TNFSF13B: variants seen among roughly 807,000 people sequenced by gnomAD.
The protein encoded by TNFSF13B is tumor necrosis factor ligand superfamily member 13B.
TNFSF13B carries 8 observed loss-of-function variants against 29.1 expected under a neutral mutation model. The observed-to-expected ratio is 0.27, with a 90% CI of 0.16 to 0.50. The LOEUF (loss-of-function observed/expected upper bound fraction) is 0.50, where lower values mean the gene tolerates loss of function less well. Ranked by LOEUF, TNFSF13B falls within the 20% of genes least tolerant of loss-of-function variation. The pLI, the probability that TNFSF13B is intolerant of heterozygous loss-of-function variation, is 0.98. For synonymous variants in TNFSF13B, 125 were observed against 130.8 expected, an observed-to-expected ratio of 0.96 and a Z score of 0.30; for missense variants, 248 against 334.9, an observed-to-expected ratio of 0.74 and a Z score of 2.03.
At chr13:108,297,965 C>T (rs568146551) in intron 3 of TNFSF13B, among the ~76,000 whole-genome samples, 2 of 146,384 alleles carry the variant, frequency 1.4e-5, no homozygotes, top group South Asian at 4.2e-4. Flanking sequence ...TTCACTCCAA[C>T]TACCTTTCCC....
intron 3 of TNFSF13B, among the ~76,000 whole-genome samples, chr13:108,287,460 A>T (rs918036589): frequency 6.6e-6 from 1 of 152,184 alleles, no homozygotes; most frequent in Non-Finnish European, 1.5e-5. Context: ...AATAAATAAT[A>T]ATTAAGACCA....
chr13:108,302,950 C>A, intron 3 of TNFSF13B: 1 of 727,548 alleles, frequency 1.4e-6, no homozygotes, highest in Non-Finnish European at 1.7e-6. Flanking sequence ...TTATCCAGAT[C>A]AGCCTTTATT....
chr13:108,280,776 C>G (rs1241901644), intron 2 of TNFSF13B, among the ~76,000 whole-genome samples: 2 of 151,238 alleles, frequency 1.3e-5, no homozygotes, highest in East Asian at 3.9e-4. Context: ...AATTTTACAT[C>G]TCCTATATTG....
At chr13:108,306,707 T>C (rs1339627971) in intron 5 of TNFSF13B, 119 bp from the exon 6 acceptor site, 1 of 599,122 alleles carries the variant, frequency 1.7e-6, no homozygotes, top group African/African-American at 2.0e-5. Context: ...TTGGTGTATT[T>C]TGAAGTGTGA....
At chr13:108,275,496 A>T (rs1307019721) in intron 2 of TNFSF13B, among the ~76,000 whole-genome samples, 2 of 152,088 alleles carry the variant, frequency 1.3e-5, no homozygotes, top group Admixed American at 6.6e-5. Context: ...TGTTTATTAT[A>T]ATTGTCTCAA....
intron 2 of TNFSF13B, among the ~76,000 whole-genome samples, chr13:108,279,860 T>C (rs531236723): frequency 6.6e-6 from 1 of 152,220 alleles, no homozygotes; most frequent in Admixed American, 6.5e-5. Flanking sequence ...CATGAGCTGT[T>C]AATTTTGTCC....
intron 2 of TNFSF13B, among the ~76,000 whole-genome samples, chr13:108,284,778 T>C (rs1485782699): frequency 6.6e-6 from 1 of 152,214 alleles, no homozygotes; most frequent in Admixed American, 6.5e-5. Flanking sequence ...CTCAGAAACC[T>C]GTCAGGGTGC....
chr13:108,293,432 TG>T (rs1394940392), intron 3 of TNFSF13B, among the ~76,000 whole-genome samples: 3 of 152,186 alleles, frequency 2.0e-5, no homozygotes, highest in African/African-American at 7.2e-5. Context: ...ACAAATGAAT[TG>T]TAAGGCTGGC....
At chr13:108,278,592 CTTCTCT>C (rs1880827857) in intron 2 of TNFSF13B, among the ~76,000 whole-genome samples, 1 of 126,994 alleles carries the variant, frequency 7.9e-6, no homozygotes, top group African/African-American at 3.0e-5. Flanking sequence ...TCCTCCTCCC[CTTCTCT>C]TCCTCCTCCT....
At chr13:108,278,233 G>T (rs748983277) in intron 2 of TNFSF13B, among the ~76,000 whole-genome samples, 2 of 152,054 alleles carry the variant, frequency 1.3e-5, no homozygotes, top group African/African-American at 4.8e-5. Flanking sequence ...AGGGTATTAC[G>T]ATTAATGCCA....
rs529012391 is a variant in TNFSF13B, at chr13:108,270,267, G to C, written c.339+33G>C. ...TGCAGCAGCTGCAAGACGCAGGCAAGATCCTGCCTACACTGCTGCCTCTCC... is the reference window on the plus strand; with the variant it reads ...TGCAGCAGCTGCAAGACGCAGGCAACATCCTGCCTACACTGCTGCCTCTCC... On this transcript the variant is annotated intron_variant, in intron 1 of 5. Transcript: ENST00000375887. The C allele has an allele frequency of 8.7e-6, 14 of 1,612,426 alleles. No individual in the cohort carries two copies. In the East Asian group the frequency reaches 2.7e-4, roughly 31 times the overall value.
intron 5 of TNFSF13B, among the ~76,000 whole-genome samples, chr13:108,305,555 C>G (rs746732607): frequency 1.3e-5 from 2 of 152,072 alleles, no homozygotes; most frequent in African/African-American, 4.8e-5. Context: ...AGGTCATTTC[C>G]AATCTCTATG....
At chr13:108,281,600 C>T (rs530426265) in intron 2 of TNFSF13B, among the ~76,000 whole-genome samples, 1 of 152,290 alleles carries the variant, frequency 6.6e-6, no homozygotes, top group African/African-American at 2.4e-5. Context: ...CAGACAGGAA[C>T]ATGATTTTCC....
intron 3 of TNFSF13B, among the ~76,000 whole-genome samples, chr13:108,298,846 C>G (rs371402996): frequency 6.9e-6 from 1 of 145,458 alleles, no homozygotes; most frequent in Non-Finnish European, 1.5e-5. Context: ...TGGCACTTGC[C>G]TGTAGTCGCA....
In TNFSF13B at chr13:108,290,990, C is replaced by T. The variant is rs533247274; in HGVS notation, c.481+4131C>T. On this transcript the variant is annotated intron_variant, in intron 3 of 5. Coordinates refer to ENST00000375887, the MANE Select transcript of TNFSF13B (RefSeq NM_006573.5). ...GAGGGCATCACAGTCTTTTTTTAAT[C>T]GCCCATCTTTTCCAGACTGCTTGAA... 5.3e-5 allele frequency among the ~76,000 whole-genome samples: 8 copies of T among 151,704 alleles called. No homozygotes were observed. In the East Asian group the frequency reaches 1.2e-3, roughly 22 times the overall value.
chr13:108,271,584 C>A (rs1370668949), intron 2 of TNFSF13B, among the ~76,000 whole-genome samples: 1 of 151,914 alleles, frequency 6.6e-6, no homozygotes, highest in Non-Finnish European at 1.5e-5. Context: ...TTTTTGGTAT[C>A]TGGTTATTGT....
chr13:108,271,267 C>G (rs1310455559), intron 2 of TNFSF13B, among the ~76,000 whole-genome samples: 1 of 151,878 alleles, frequency 6.6e-6, no homozygotes. Flanking sequence ...TTTTGAGCAC[C>G]TGGAACGTAT....
intron 2 of TNFSF13B, among the ~76,000 whole-genome samples, chr13:108,281,392 T>G (rs910145388): frequency 1.3e-5 from 2 of 152,228 alleles, no homozygotes; most frequent in Non-Finnish European, 2.9e-5. Flanking sequence ...TCAGGAACAC[T>G]ATAGTGCTAT....
chr13:108,300,040 TTA>T (rs1881569981), intron 3 of TNFSF13B, among the ~76,000 whole-genome samples: 1 of 152,144 alleles, frequency 6.6e-6, no homozygotes, highest in South Asian at 2.1e-4. Flanking sequence ...ATCTAAATTA[TTA>T]TAAAATTTTA....
Sources: allele counts gnomAD v4.1 joint callset (sites outside exome capture counted in the v4.1 genomes callset), GRCh38; gene constraint gnomAD v4.1.1; transcripts MANE v1.5; gene names NCBI Gene and HGNC (gene_info 2026-07-23, HGNC 2026-07-21).